The following BTG3 variants were observed in gnomAD, a reference collection of about 807,000 sequenced individuals.
BTG3 encodes protein BTG3.
A neutral mutation model predicts 25.8 loss-of-function variants in BTG3; 4 were observed. That is an observed-to-expected ratio of 0.16 (90% CI 0.08 to 0.36). The LOEUF (loss-of-function observed/expected upper bound fraction) is 0.36. BTG3 is among the 10% of genes least tolerant of loss of function. The pLI is 1.00. For missense variants in BTG3, 201 were observed against 304.9 expected (o/e 0.66, Z 2.54); for synonymous variants, 107 against 99.9 (o/e 1.07, Z -0.42).
chr21:17,600,573 C>T (rs575201739), intron 3 of BTG3, among the ~76,000 whole-genome samples: 1 of 152,012 alleles, frequency 6.6e-6, no homozygotes, highest in Non-Finnish European at 1.5e-5. Flanking sequence ...GTAATTCCAG[C>T]ACTTCAGGAG....
At chr21:17,608,936 T>C (rs2061682844) in intron 2 of BTG3, 36 bp downstream of exon 2, 1 of 1,588,756 alleles carries the variant, frequency 6.3e-7, no homozygotes, top group Non-Finnish European at 8.6e-7. Flanking sequence ...CCTCAGGGGT[T>C]GATCAGCCTC....
intron 1 of BTG3, chr21:17,612,116 C>A (rs1168407197): frequency 1.3e-5 from 2 of 152,340 alleles, no homozygotes; most frequent in African/African-American, 4.8e-5. Flanking sequence ...AACATCTCCA[C>A]CCGCTCTTGA....
Position 17,610,852 on chromosome 21 carries a change from C to A in BTG3, c.-8-1700G>T, listed in dbSNP as rs78458655. The stretch of plus-strand genomic sequence containing the variant: ...GCTTTCTTTTCTCAAACTGCTCTTT[C>A]AGTCTCTCTTCAGAATATGACTCCT... On this transcript the variant is annotated intron_variant, in intron 1 of 4. Transcript: ENST00000348354. 6.3e-3 allele frequency among the ~76,000 whole-genome samples: 963 copies of A among 152,336 alleles called. 59 individuals are homozygous for A. In the East Asian group the frequency reaches 0.13, roughly 21 times the overall value.
rs762588944 is a variant in BTG3, at chr21:17,604,233, G to T, written c.311+627C>A. 3 of 560,776 alleles carry T rather than the reference G, an allele frequency of 5.3e-6. No individual in the cohort carries two copies. In the African/African-American group the frequency reaches 6.4e-5, roughly 12 times the overall value. 34.7% of individuals were successfully genotyped at this position (560,776 alleles called of 1,614,324 possible). On this transcript the variant is annotated intron_variant, in intron 3 of 4. Coordinates refer to ENST00000348354, the MANE Select transcript of BTG3 (RefSeq NM_006806.5). ...CAAGGCGGGCGGATCACGAGGTCAG[G>T]AGTTTGAGAGCAGTCTGGCCAACAT...
Position 17,594,139 on chromosome 21 carries a change from C to A in BTG3, c.713G>T (p.Cys238Phe). 6.2e-7 allele frequency: 1 copy of A among 1,613,182 alleles called. No homozygotes were observed. Among genetic ancestry groups the A allele is most frequent in the East Asian group, 2.2e-5 (1 of 44,862 alleles). ...VTWVPPPGMH[C>F]DRNHWINPHM... ...AGGATTAATCCAGTGATTCCGGTCACAATGCATTCCAGGAGGAGGTACCCA... is the reference window on the plus strand; with the variant it reads ...AGGATTAATCCAGTGATTCCGGTCAAAATGCATTCCAGGAGGAGGTACCCA... Residue 238 changes from cysteine to phenylalanine, a missense_variant, in exon 5 of 5, where the codon TGT (cysteine) becomes TTT (phenylalanine). By Grantham distance (205) the Cys-to-Phe change is radical. This residue lies in a region of BTG3 where 131 missense variants were observed against 129.3 expected (regional missense o/e 1.01). Transcript: ENST00000348354.
At position 17,594,116 on chromosome 21, in the gene BTG3, G is replaced by A; in HGVS notation, c.736C>T (p.Pro246Ser). The A allele has an allele frequency of 6.2e-7, 1 of 1,613,050 alleles. No homozygotes were observed. Residue 246 changes from proline to serine, a missense_variant, in exon 5 of 5, where the codon CCT (proline) becomes TCT (serine). By Grantham distance (74) the Pro-to-Ser change is moderately conservative (BLOSUM62 -1). Transcript: ENST00000348354. The part of the protein sequence containing the change: ...MHCDRNHWIN[P>S]HMLAPH ...AGTTAGTGAGGTGCTAACATGTGAGGATTAATCCAGTGATTCCGGTCACAA... is the reference window on the plus strand; with the variant it reads ...AGTTAGTGAGGTGCTAACATGTGAGAATTAATCCAGTGATTCCGGTCACAA...
Position 17,604,884 on chromosome 21 carries a change from A to C in BTG3, c.287T>G (p.Val96Gly). The stretch of plus-strand genomic sequence containing the variant: ...CCGACAGCACACCTCACATGGGTCC[A>C]CCCAGAGAGTGAGCTCCTTTGGCAA... The part of the protein sequence containing the change: ...LGLPKELTLW[V>G]DPCEVCCRYG... Residue 96 changes from valine (V) to glycine (G), a missense_variant, in exon 3 of 5, where the codon GTG becomes GGG. This residue lies in a region of BTG3 where 70 missense variants were observed against 175.7 expected (regional missense o/e 0.40). Transcript: ENST00000348354. 1 of 1,614,132 alleles carries C rather than the reference A, an allele frequency of 6.2e-7. No individual in the cohort carries two copies. The highest frequency in any genetic ancestry group is 8.5e-7 in the Non-Finnish European group (1 of 1,180,010).
intron 3 of BTG3, among the ~76,000 whole-genome samples, chr21:17,600,837 G>A (rs2061563018): frequency 6.6e-6 from 1 of 151,916 alleles, no homozygotes; most frequent in South Asian, 2.1e-4. Context: ...ACATAACTTC[G>A]CTTTTGTATT....
intron 1 of BTG3, 39 bp from the exon 2 acceptor site, chr21:17,609,191 A>G: frequency 6.3e-7 from 1 of 1,579,230 alleles, no homozygotes; most frequent in South Asian, 1.2e-5. Context: ...AAAACAAAAT[A>G]TAAAAACTGG....
chr21:17,593,992 T>C lies in BTG3; in HGVS notation c.*101A>G. The C allele has an allele frequency of 3.6e-6, 5 of 1,394,572 alleles. No homozygotes were observed. The highest frequency in any genetic ancestry group is 4.8e-6 in the Non-Finnish European group (5 of 1,042,152). The allele number at this position is 1,394,572 out of a possible 1,614,324, so 86.4% of individuals were successfully genotyped here. A position where few individuals can be genotyped will look rare whatever the true frequency, so the allele number is the denominator to read the frequency against. On this transcript the variant is annotated 3_prime_UTR_variant, in exon 5 of 5. Coordinates refer to ENST00000348354, the MANE Select transcript of BTG3 (RefSeq NM_006806.5). ...AAAATAAGTTTGATGGTTTGGCCCA[T>C]CTAACTTCACTACTATTAGTAAGAA...
At chr21:17,599,933 T>A (rs2061551668) in intron 3 of BTG3, among the ~76,000 whole-genome samples, 1 of 152,174 alleles carries the variant, frequency 6.6e-6, no homozygotes, top group South Asian at 2.1e-4. Context: ...GTTATTGAGA[T>A]TAAAGAAAAA....
chr21:17,599,497 G>A (rs2061545775), intron 3 of BTG3, among the ~76,000 whole-genome samples: 1 of 113,088 alleles, frequency 8.8e-6, no homozygotes, highest in African/African-American at 3.8e-5. Flanking sequence ...TTTTTTTTGA[G>A]ACGGAGTCTC....
intron 3 of BTG3, 119 bp downstream of exon 3, chr21:17,604,741 A>G (rs2061617827): frequency 7.3e-6 from 9 of 1,233,966 alleles, no homozygotes; most frequent in South Asian, 1.9e-5. Context: ...TTTACATCTG[A>G]GAGAGTTAAA....
chr21:17,600,948 G>A (rs1308358740), intron 3 of BTG3, among the ~76,000 whole-genome samples: 1 of 152,218 alleles, frequency 6.6e-6, no homozygotes, highest in Admixed American at 6.5e-5. Flanking sequence ...TGGATCATGA[G>A]GTCAGGCGTT....
At chr21:17,612,893 CACACGAGTGAGCGCAG>C (rs2123496947) in exon 1 of BTG3, 1 of 152,080 alleles carries the variant, frequency 6.6e-6, no homozygotes, top group Non-Finnish European at 1.5e-5. Context: ...GACGAGCGCG[CACACGAGTGAGCGCAG>C]CCCCAAAGCG....
chr21:17,605,063 TTCA>T, intron 2 of BTG3, 66 bp from the exon 3 acceptor site: 1 of 1,541,510 alleles, frequency 6.5e-7, no homozygotes, highest in South Asian at 1.2e-5. Context: ...GTAATATCTA[TTCA>T]TACTTGCCAA....
At chr21:17,597,015 T>G (rs1178092634) in intron 4 of BTG3, among the ~76,000 whole-genome samples, 5 of 152,034 alleles carry the variant, frequency 3.3e-5, no homozygotes, top group African/African-American at 1.2e-4. Flanking sequence ...AAGAAGAAAA[T>G]CAAAGTGGGC....
chr21:17,610,290 G>A (rs2061701822), intron 1 of BTG3, among the ~76,000 whole-genome samples: 1 of 152,122 alleles, frequency 6.6e-6, no homozygotes, highest in Non-Finnish European at 1.5e-5. Context: ...TAAAACCATT[G>A]AACTGTACAT....
intron 1 of BTG3, among the ~76,000 whole-genome samples, chr21:17,610,293 C>T (rs905030248): frequency 1.3e-5 from 2 of 152,154 alleles, no homozygotes; most frequent in Non-Finnish European, 2.9e-5. Context: ...AACCATTGAA[C>T]TGTACATTTT....
Sources: gnomAD v4.1 joint callset for allele counts (sites outside exome capture counted in the v4.1 genomes callset) on GRCh38, gnomAD v4.1.1 for gene constraint, gnomAD v4.1.1 regional missense constraint, MANE v1.5 for transcripts, NCBI Gene and HGNC (gene_info 2026-07-23, HGNC 2026-07-21) for gene names.